Variants in FRMD4B observed in about 807,000 individuals in gnomAD.
FRMD4B encodes the protein FERM domain-containing protein 4B.
In FRMD4B, 74 loss-of-function variants were observed where a neutral mutation model predicts 141.5. The observed-to-expected ratio is 0.52, with a 90% confidence interval of 0.43 to 0.63. The LOEUF is 0.63. FRMD4B is among the 30% of genes least tolerant of loss of function. The pLI is 0.00. For synonymous variants in FRMD4B, 506 were observed against 467.9 expected (o/e 1.08, Z -1.05); for missense variants, 1,366 against 1,253.4 (o/e 1.09, Z -1.36).
chr3:69,250,648 A>C (rs2093458886), intron 5 of FRMD4B, among the ~76,000 whole-genome samples: 1 of 152,078 alleles, frequency 6.6e-6, no homozygotes, highest in African/African-American at 2.4e-5. Context: ...CTTAAAAATC[A>C]GTTACAGCAA....
At chr3:69,456,583 G>A (rs1004409776) in intron 1 of FRMD4B, among the ~76,000 whole-genome samples, 7 of 152,024 alleles carry the variant, frequency 4.6e-5, no homozygotes, top group Non-Finnish European at 8.8e-5. Context: ...TATGTTAATC[G>A]TGTCTCCTGC....
At chr3:69,504,609 T>C (rs1391771) in intron 1 of FRMD4B, among the ~76,000 whole-genome samples, 50,324 of 152,078 alleles carry the variant, frequency 0.33, 8,512 homozygotes, top group African/African-American at 0.38. Flanking sequence ...TTAATGTTTG[T>C]GAGGCTCATC....
At chr3:69,356,836 A>T (rs1230068771) in intron 1 of FRMD4B, among the ~76,000 whole-genome samples, 3 of 151,794 alleles carry the variant, frequency 2.0e-5, no homozygotes. Flanking sequence ...AGAGAGACAT[A>T]CTCCAATGTC....
chr3:69,326,677 G>A (rs1220070011), intron 1 of FRMD4B, among the ~76,000 whole-genome samples: 2 of 152,164 alleles, frequency 1.3e-5, no homozygotes, highest in Admixed American at 6.5e-5. Flanking sequence ...AAGGGGCTAG[G>A]CCAAGCTCAA....
chr3:69,202,342 G>A (rs1575604940), intron 11 of FRMD4B, among the ~76,000 whole-genome samples: 1 of 152,110 alleles, frequency 6.6e-6, no homozygotes, highest in East Asian at 1.9e-4. Context: ...TGTCCACATA[G>A]GGTAGGACTA....
intron 11 of FRMD4B, chr3:69,200,471 C>T (rs759490887): frequency 3.1e-5 from 31 of 992,142 alleles, no homozygotes; most frequent in East Asian, 1.1e-4. Flanking sequence ...AGGGTTCTTC[C>T]GCCCTCCCCC....
chr3:69,220,169 G>A (rs7619197), intron 9 of FRMD4B, among the ~76,000 whole-genome samples: 149,744 of 152,324 alleles, frequency 0.98, 73,670 homozygotes, highest in Middle Eastern at 1. Context: ...GCACTTACAC[G>A]AACCTGGATG....
chr3:69,520,074 T>C (rs1436513204), intron 1 of FRMD4B, among the ~76,000 whole-genome samples: 3 of 136,628 alleles, frequency 2.2e-5, no homozygotes, highest in African/African-American at 5.6e-5. Flanking sequence ...ATGGAATATA[T>C]ATATATGATG....
intron 5 of FRMD4B, among the ~76,000 whole-genome samples, chr3:69,265,072 G>A (rs1374105730): frequency 2.7e-5 from 3 of 110,438 alleles, no homozygotes; most frequent in East Asian, 3.1e-4. Context: ...TGGCTAACAC[G>A]GTGAAACCCC....
intron 19 of FRMD4B, among the ~76,000 whole-genome samples, chr3:69,187,556 T>A (rs1332511922): frequency 1.0e-4 from 15 of 146,210 alleles, no homozygotes; most frequent in African/African-American, 3.5e-4. Context: ...AAAAAAAATA[T>A]ATATATATAT....
At chr3:69,430,766 C>T (rs1468725566) in intron 2 of FRMD4B, among the ~76,000 whole-genome samples, 2 of 152,180 alleles carry the variant, frequency 1.3e-5, no homozygotes, top group East Asian at 1.9e-4. Flanking sequence ...GCCCTCATTG[C>T]GTATCTGTGC....
chr3:69,230,170 G>T (rs543955181), intron 7 of FRMD4B, among the ~76,000 whole-genome samples: 3 of 152,032 alleles, frequency 2.0e-5, no homozygotes, highest in African/African-American at 7.2e-5. Flanking sequence ...TAGAGATGGG[G>T]TTTCACCAAG....
At chr3:69,211,635 C>A (rs763147529) in intron 11 of FRMD4B, among the ~76,000 whole-genome samples, 3 of 152,208 alleles carry the variant, frequency 2.0e-5, no homozygotes, top group Non-Finnish European at 2.9e-5. Context: ...GTAAATTTCC[C>A]TTCTTCTGGC....
rs1039943925 is a variant in FRMD4B, at chr3:69,441,735, A to C, written c.-128-8974T>G. ...TGAGTGGAAAAATGAACTCACGTGG[A>C]TCTCCCCTAATGCCCCTGGTTGCTC... On this transcript the variant is annotated intron_variant, in intron 1 of 5. Coordinates refer to the FRMD4B transcript ENST00000459638. 1.5e-4 allele frequency among the ~76,000 whole-genome samples: 23 copies of C among 152,224 alleles called. 1 individual carries two copies. Among genetic ancestry groups the C allele is most frequent in the Admixed American group, 1.0e-3 (16 of 15,282 alleles).
intron 5 of FRMD4B, among the ~76,000 whole-genome samples, chr3:69,252,866 A>G (rs558166113): frequency 6.6e-6 from 1 of 152,266 alleles, no homozygotes; most frequent in East Asian, 1.9e-4. Flanking sequence ...GTGAGTTTCC[A>G]TGACTGTCAT....
At chr3:69,434,771 A>G (rs770012682) in intron 1 of FRMD4B, among the ~76,000 whole-genome samples, 1 of 152,216 alleles carries the variant, frequency 6.6e-6, no homozygotes, top group African/African-American at 2.4e-5. Context: ...TAAGATCTCA[A>G]TGAGTTGGGG....
intron 1 of FRMD4B, among the ~76,000 whole-genome samples, chr3:69,382,331 C>T: frequency 6.6e-6 from 1 of 152,170 alleles, no homozygotes; most frequent in East Asian, 1.9e-4. Flanking sequence ...TGAATCACCA[C>T]ACTCAGCTAC....
At chr3:69,440,948 C>T (rs1390639931) in intron 1 of FRMD4B, among the ~76,000 whole-genome samples, 1 of 152,154 alleles carries the variant, frequency 6.6e-6, no homozygotes, top group African/African-American at 2.4e-5. Flanking sequence ...TATATCTTGT[C>T]ATTTCTTTAG....
At chr3:69,410,039 C>T (rs1043629711) in intron 2 of FRMD4B, among the ~76,000 whole-genome samples, 2 of 152,310 alleles carry the variant, frequency 1.3e-5, no homozygotes, top group Middle Eastern at 3.4e-3. Flanking sequence ...CCAACAAGAA[C>T]TCCACCCTTT....
Sources: allele counts gnomAD v4.1 joint callset (sites outside exome capture counted in the v4.1 genomes callset), GRCh38; gene constraint gnomAD v4.1.1; transcripts MANE v1.5; gene names NCBI Gene and HGNC (gene_info 2026-07-23, HGNC 2026-07-21).